MAML3: variants seen among roughly 807,000 people sequenced by gnomAD.
The protein encoded by MAML3 is mastermind-like protein 3.
MAML3 carries 27 observed loss-of-function variants against 101.9 expected under a neutral mutation model. The ratio of observed to expected loss-of-function variants is 0.27; its 90% confidence interval spans 0.20 to 0.37. The LOEUF (loss-of-function observed/expected upper bound fraction) is 0.37. Ranked by LOEUF, MAML3 falls within the 10% of genes least tolerant of loss-of-function variation. MAML3 has a pLI of 1.00. For synonymous variants in MAML3, 501 were observed against 555.9 expected (o/e 0.90, Z 1.39); for missense variants, 1,316 against 1,444.9 (o/e 0.91, Z 1.45).
intron 1 of MAML3, among the ~76,000 whole-genome samples, chr4:140,099,260 C>CAT (rs1728215118): frequency 6.6e-6 from 1 of 151,460 alleles, no homozygotes; most frequent in Admixed American, 6.6e-5. Context: ...CACACACACA[C>CAT]GTGCACACAA....
chr4:139,823,664 T>C (rs1204928739), intron 2 of MAML3, among the ~76,000 whole-genome samples: 1 of 151,072 alleles, frequency 6.6e-6, no homozygotes, highest in Non-Finnish European at 1.5e-5. Flanking sequence ...CCCGCTCTGC[T>C]TTTTCTTTGT....
intron 2 of MAML3, among the ~76,000 whole-genome samples, chr4:139,733,635 C>A (rs1412203373): frequency 6.6e-6 from 1 of 151,014 alleles, no homozygotes; most frequent in Non-Finnish European, 1.5e-5. Context: ...GAGGTTTTGC[C>A]TTCAGGCTTC....
intron 2 of MAML3, among the ~76,000 whole-genome samples, chr4:139,752,809 G>GA (rs1361429089): frequency 3.3e-5 from 5 of 152,026 alleles, no homozygotes; most frequent in South Asian, 2.1e-4. Flanking sequence ...AATTTTAAGG[G>GA]AAAAAAATGT....
At chr4:139,994,118 C>G (rs1034318208) in intron 1 of MAML3, among the ~76,000 whole-genome samples, 1 of 152,266 alleles carries the variant, frequency 6.6e-6, no homozygotes, top group African/African-American at 2.4e-5. Context: ...GTCTTGGCAT[C>G]TTTGCTGAAA....
intron 1 of MAML3, among the ~76,000 whole-genome samples, chr4:139,927,204 G>A (rs1012949606): frequency 1.3e-4 from 20 of 151,970 alleles, no homozygotes; most frequent in African/African-American, 4.3e-4. Context: ...GGTTACAGGC[G>A]TGAGCCACCA....
rs1488061630 is a variant in MAML3 at position 139,730,655 on chromosome 4, C to T, written c.2092G>A (p.Val698Ile). Residue 698 changes from valine to isoleucine, a missense_variant, in exon 3 of 5, where the codon GTT becomes ATT. Transcript: ENST00000509479. ...GGGCCTGTGGTTCGGGGAAGTCCAA[C>T]TGGATGCTGCTCCTGGGAAGACAAG... ...LPSHGQEQHPVGLPRTTGPMQ... is the reference protein window; with the variant it reads ...LPSHGQEQHPIGLPRTTGPMQ... 1.9e-6 allele frequency: 3 copies of T among 1,612,100 alleles called. No homozygotes were observed. Among genetic ancestry groups the T allele is most frequent in the South Asian group, 1.1e-5 (1 of 90,600 alleles).
At chr4:139,948,137 T>TA (rs778868734) in intron 1 of MAML3, among the ~76,000 whole-genome samples, 1 of 148,234 alleles carries the variant, frequency 6.7e-6, no homozygotes, top group South Asian at 2.1e-4. Flanking sequence ...AATAAATAAA[T>TA]AATAAAAACT....
intron 2 of MAML3, among the ~76,000 whole-genome samples, chr4:139,799,693 T>TC (rs1404232699): frequency 2.0e-5 from 3 of 152,132 alleles, no homozygotes; most frequent in Non-Finnish European, 4.4e-5. Flanking sequence ...TTCTTATCTT[T>TC]CCCCCAAGGT....
chr4:140,087,575 G>A (rs1468040283), intron 1 of MAML3, among the ~76,000 whole-genome samples: 2 of 152,218 alleles, frequency 1.3e-5, no homozygotes. Flanking sequence ...TCACCAAAGT[G>A]TAAGTGAAGA....
chr4:139,811,938 C>T (rs1730804889), intron 2 of MAML3, among the ~76,000 whole-genome samples: 1 of 152,096 alleles, frequency 6.6e-6, no homozygotes, highest in African/African-American at 2.4e-5. Context: ...TGGGGGAAAG[C>T]CAAGGAGAAG....
intron 1 of MAML3, among the ~76,000 whole-genome samples, chr4:140,059,198 G>C (rs1727402662): frequency 6.6e-6 from 1 of 152,100 alleles, no homozygotes; most frequent in Non-Finnish European, 1.5e-5. Flanking sequence ...AAAAGCTTTA[G>C]GGCATCTTTA....
At chr4:140,074,703 G>A (rs530828225) in intron 1 of MAML3, among the ~76,000 whole-genome samples, 1 of 152,304 alleles carries the variant, frequency 6.6e-6, no homozygotes, top group South Asian at 2.1e-4. Context: ...ATGTGTGTAA[G>A]TGTAAGAAAA....
intron 2 of MAML3, among the ~76,000 whole-genome samples, chr4:139,765,374 G>C (rs895279941): frequency 4.6e-5 from 7 of 152,250 alleles, no homozygotes; most frequent in African/African-American, 1.7e-4. Flanking sequence ...ATGTTGTTAA[G>C]TAATCTTTAA....
intron 1 of MAML3, among the ~76,000 whole-genome samples, chr4:139,892,220 T>G (rs774195623): frequency 6.6e-6 from 1 of 152,240 alleles, no homozygotes; most frequent in African/African-American, 2.4e-5. Flanking sequence ...GGATATTTCA[T>G]GGACATCTAA....
intron 1 of MAML3, among the ~76,000 whole-genome samples, chr4:139,973,339 G>A (rs554263216): frequency 3.7e-4 from 56 of 152,222 alleles, no homozygotes; most frequent in Non-Finnish European, 3.4e-4. Flanking sequence ...AAGGCAGGCT[G>A]AATTCGCTTT....
chr4:139,725,144 G>A (rs754797132), intron 4 of MAML3, among the ~76,000 whole-genome samples: 2 of 152,190 alleles, frequency 1.3e-5, no homozygotes, highest in Non-Finnish European at 2.9e-5. Flanking sequence ...CTGACATACA[G>A]TGCGCCCACT....
In MAML3 at chr4:140,153,911, T is replaced by G. The variant is rs1729222609; in HGVS notation, c.-584A>C. 6.5e-6 allele frequency: 1 copy of G among 153,366 alleles called. No homozygotes were observed. Among genetic ancestry groups the G allele is most frequent in the Admixed American group, 6.5e-5 (1 of 15,294 alleles). 9.5% of individuals were successfully genotyped at this position (153,366 alleles called of 1,614,324 possible). A position where few individuals can be genotyped will look rare whatever the true frequency, so the allele number is the denominator to read the frequency against. Reference sequence around the variant, plus strand: ...CCCCGTGTTCTCAAAGTACTTTGGCTGCTCAGTTGCATTTCACAGGAACCT... The same window carrying G: ...CCCCGTGTTCTCAAAGTACTTTGGCGGCTCAGTTGCATTTCACAGGAACCT... On this transcript the variant is annotated 5_prime_UTR_variant, in exon 1 of 5. Coordinates refer to ENST00000509479, the MANE Select transcript of MAML3 (RefSeq NM_018717.5).
chr4:139,837,122 C>CAAAAAA (rs34871581), intron 2 of MAML3, among the ~76,000 whole-genome samples: 2 of 84,426 alleles, frequency 2.4e-5, no homozygotes, highest in Non-Finnish European at 2.2e-5. Context: ...AACTCTGTCT[C>CAAAAAA]AAAAAAAAAA....
At chr4:139,945,186 A>G (rs1474040867) in intron 1 of MAML3, among the ~76,000 whole-genome samples, 2 of 152,194 alleles carry the variant, frequency 1.3e-5, no homozygotes, top group Non-Finnish European at 2.9e-5. Flanking sequence ...TACTTGGGCT[A>G]TTAAGTAAAA....
Sources: allele counts gnomAD v4.1 joint callset (sites outside exome capture counted in the v4.1 genomes callset), GRCh38; gene constraint gnomAD v4.1.1; transcripts MANE v1.5; gene names NCBI Gene and HGNC (gene_info 2026-07-23, HGNC 2026-07-21).